PTPRD: variants seen among roughly 807,000 people sequenced by gnomAD.
PTPRD encodes protein tyrosine phosphatase receptor type D, also known as receptor-type tyrosine-protein phosphatase delta.
A neutral mutation model predicts 214.5 loss-of-function variants in PTPRD; 34 were observed. That is an observed-to-expected ratio of 0.16 (90% confidence interval 0.12 to 0.21). The LOEUF (loss-of-function observed/expected upper bound fraction) is 0.21. Ranked by LOEUF, PTPRD falls within the 10% of genes least tolerant of loss-of-function variation. PTPRD has a pLI of 1.00. For missense variants in PTPRD, 2,545 were observed against 2,398.7 expected (o/e 1.06, Z -1.27); for synonymous variants, 1,128 against 845.7 (o/e 1.33, Z -5.79).
intron 7 of PTPRD, among the ~76,000 whole-genome samples, chr9:9,635,842 C>T (rs1378123160): frequency 6.6e-6 from 1 of 152,176 alleles, no homozygotes; most frequent in East Asian, 1.9e-4. Flanking sequence ...TACTTCTCTA[C>T]ATTTTCACTA....
At chr9:9,984,350 A>G (rs1025398223) in intron 4 of PTPRD, among the ~76,000 whole-genome samples, 2 of 152,162 alleles carry the variant, frequency 1.3e-5, no homozygotes, top group Non-Finnish European at 2.9e-5. Flanking sequence ...GTAGCCACAG[A>G]AGGACAAATT....
chr9:9,876,497 G>T (rs2066906039), intron 5 of PTPRD, among the ~76,000 whole-genome samples: 1 of 151,998 alleles, frequency 6.6e-6, no homozygotes. Flanking sequence ...AAAAAAAACT[G>T]TTTTAACAAC....
chr9:9,769,486 C>T lies in PTPRD; in HGVS notation c.-367-2635G>A, dbSNP rs910692493. ...GACTACAGGTGCCCGCCACCACACC[C>T]GGCTAATTTTTTGTATTTTTTAGTA... On this transcript the variant is annotated intron_variant, in intron 5 of 45. Transcript: ENST00000381196. Among the ~76,000 whole-genome samples the T allele has an allele frequency of 2.0e-4, 30 of 151,944 alleles. 1 individual carries two copies. The highest frequency in any genetic ancestry group is 1.9e-3 in the South Asian group (9 of 4,820).
chr9:8,527,843 C>T (rs1364836539), intron 15 of PTPRD, among the ~76,000 whole-genome samples: 1 of 152,100 alleles, frequency 6.6e-6, no homozygotes, highest in Non-Finnish European at 1.5e-5. Flanking sequence ...ACACCAAAAG[C>T]AGACTTCTGT....
chr9:9,653,170 G>A (rs2096410985), intron 7 of PTPRD, among the ~76,000 whole-genome samples: 1 of 147,948 alleles, frequency 6.8e-6, no homozygotes, highest in African/African-American at 2.5e-5. Flanking sequence ...GTGAAACCCC[G>A]TCTCTACTAA....
chr9:9,778,456 C>T (rs1224410851), intron 5 of PTPRD, among the ~76,000 whole-genome samples: 1 of 152,164 alleles, frequency 6.6e-6, no homozygotes, highest in Non-Finnish European at 1.5e-5. Flanking sequence ...AAAAAGTAGC[C>T]ATAGACGCCC....
At chr9:10,279,453 G>C (rs150652908) in intron 3 of PTPRD, among the ~76,000 whole-genome samples, 1 of 151,892 alleles carries the variant, frequency 6.6e-6, no homozygotes, top group Non-Finnish European at 1.5e-5. Flanking sequence ...ATGATTTCTT[G>C]GTCTTTCTTC....
At chr9:9,905,905 G>A (rs1228772188) in intron 5 of PTPRD, among the ~76,000 whole-genome samples, 1 of 151,968 alleles carries the variant, frequency 6.6e-6, no homozygotes, top group African/African-American at 2.4e-5. Context: ...AAGCATGTGT[G>A]TGGAGAATTA....
At chr9:8,851,186 T>A (rs10759004) in intron 11 of PTPRD, among the ~76,000 whole-genome samples, 1 of 141,458 alleles carries the variant, frequency 7.1e-6, no homozygotes. Context: ...CTTTCTAAGA[T>A]GCACTACCAT....
intron 2 of PTPRD, among the ~76,000 whole-genome samples, chr9:10,351,315 C>G (rs1054461999): frequency 1.3e-5 from 2 of 152,010 alleles, no homozygotes; most frequent in African/African-American, 4.8e-5. Flanking sequence ...TAGCTGAACC[C>G]TGTCTTTTCC....
At chr9:9,056,510 C>T (rs754540475) in intron 10 of PTPRD, among the ~76,000 whole-genome samples, 4 of 152,264 alleles carry the variant, frequency 2.6e-5, no homozygotes, top group South Asian at 2.1e-4. Flanking sequence ...TGGTCATTCT[C>T]GAAGTTTATT....
chr9:8,761,973 C>T (rs2094442187), intron 11 of PTPRD, among the ~76,000 whole-genome samples: 1 of 152,098 alleles, frequency 6.6e-6, no homozygotes, highest in South Asian at 2.1e-4. Context: ...CACAGAGGGT[C>T]AAATAAACTC....
intron 8 of PTPRD, among the ~76,000 whole-genome samples, chr9:9,398,684 A>T (rs2141243045): frequency 6.6e-6 from 1 of 152,176 alleles, no homozygotes; most frequent in South Asian, 2.1e-4. Context: ...TTTTTCAATC[A>T]TATGGGAATA....
chr9:9,059,393 A>T (rs950030104), intron 10 of PTPRD, among the ~76,000 whole-genome samples: 6 of 152,228 alleles, frequency 3.9e-5, no homozygotes, highest in African/African-American at 1.4e-4. Context: ...AAGAAATGGG[A>T]ACCCTCAAGG....
chr9:10,024,197 T>C (rs1033811685), intron 4 of PTPRD, among the ~76,000 whole-genome samples: 2 of 152,146 alleles, frequency 1.3e-5, no homozygotes, highest in African/African-American at 4.8e-5. Flanking sequence ...TTATCCTTGT[T>C]GGTTACAGTA....
chr9:9,524,475 G>T (rs1158793107), intron 8 of PTPRD, among the ~76,000 whole-genome samples: 1 of 151,930 alleles, frequency 6.6e-6, no homozygotes, highest in Non-Finnish European at 1.5e-5. Context: ...CCGTACGTTC[G>T]TGTACTCTAT....
intron 9 of PTPRD, among the ~76,000 whole-genome samples, chr9:9,238,315 G>C (rs1368890133): frequency 1.3e-5 from 2 of 152,000 alleles, no homozygotes; most frequent in African/African-American, 4.8e-5. Context: ...TTGACCTTTG[G>C]GTTTGCAGTG....
intron 9 of PTPRD, among the ~76,000 whole-genome samples, chr9:9,356,807 TCTC>T (rs978616548): frequency 1.5e-4 from 23 of 151,488 alleles, no homozygotes; most frequent in Non-Finnish European, 1.6e-4. Context: ...CTGTTGATGA[TCTC>T]CAAGGTCCAT....
At chr9:10,490,412 A>T (rs201866574) in intron 2 of PTPRD, among the ~76,000 whole-genome samples, 1 of 152,326 alleles carries the variant, frequency 6.6e-6, no homozygotes, top group East Asian at 1.9e-4. Context: ...TATTGCCATC[A>T]TCCTAATAGA....
Sources: gnomAD v4.1 joint callset for allele counts (sites outside exome capture counted in the v4.1 genomes callset) on GRCh38, gnomAD v4.1.1 for gene constraint, MANE v1.5 for transcripts, NCBI Gene and HGNC (gene_info 2026-07-23, HGNC 2026-07-21) for gene names.